Variants in KLHL29 observed in about 807,000 individuals in gnomAD.
KLHL29 encodes the protein kelch like family member 29, also known as kelch-like protein 29.
Under a neutral mutation model 80.4 loss-of-function variants are expected in KLHL29, and 21 were observed. That is an observed-to-expected ratio of 0.26 (90% CI 0.19 to 0.38). KLHL29 has a LOEUF of 0.38. Among genes scored for constraint, KLHL29 ranks in the 10% least tolerant of loss-of-function variants. The probability of loss-of-function intolerance (pLI) is 1.00; values close to 1 mark genes in which losing one functional copy is unlikely to be tolerated. For synonymous variants in KLHL29, 511 were observed against 526.8 expected, an observed-to-expected ratio of 0.97 and a Z score of 0.41; for missense variants, 867 against 1,223.9, an observed-to-expected ratio of 0.71 and a Z score of 4.35.
intron 2 of KLHL29, among the ~76,000 whole-genome samples, chr2:23,520,673 A>C (rs894139706): frequency 1.3e-5 from 2 of 152,220 alleles, no homozygotes; most frequent in Non-Finnish European, 2.9e-5. Context: ...ACGTACTCCC[A>C]ACACTTTAAG....
intron 2 of KLHL29, among the ~76,000 whole-genome samples, chr2:23,550,404 G>C (rs1667093493): frequency 6.6e-6 from 1 of 152,180 alleles, no homozygotes; most frequent in Non-Finnish European, 1.5e-5. Flanking sequence ...GACCAGAAAG[G>C]TGGGCACTGG....
intron 5 of KLHL29, among the ~76,000 whole-genome samples, chr2:23,652,600 C>G (rs1245505867): frequency 6.6e-6 from 1 of 152,176 alleles, no homozygotes; most frequent in African/African-American, 2.4e-5. Flanking sequence ...TCAAGTGCCT[C>G]TTAAAGGGAT....
intron 3 of KLHL29, among the ~76,000 whole-genome samples, chr2:23,587,177 T>A (rs1668142172): frequency 6.6e-6 from 1 of 152,138 alleles, no homozygotes; most frequent in Non-Finnish European, 1.5e-5. Flanking sequence ...CTGAAGACGC[T>A]CTTAACCAAG....
intron 3 of KLHL29, among the ~76,000 whole-genome samples, chr2:23,579,064 G>A (rs895765793): frequency 2.6e-5 from 4 of 152,192 alleles, no homozygotes; most frequent in Non-Finnish European, 5.9e-5. Context: ...CTGTTTGTTG[G>A]TGGTTGTGGT....
chr2:23,505,473 G>A (rs1468570478), intron 2 of KLHL29, among the ~76,000 whole-genome samples: 1 of 152,196 alleles, frequency 6.6e-6, no homozygotes, highest in Non-Finnish European at 1.5e-5. Flanking sequence ...TCTCCCCTCT[G>A]TTCCTGCCCA....
chr2:23,652,976 T>G (rs1670125819), intron 5 of KLHL29, among the ~76,000 whole-genome samples: 1 of 152,124 alleles, frequency 6.6e-6, no homozygotes, highest in Admixed American at 6.5e-5. Context: ...TTAAATTATT[T>G]CCTTTTGAAG....
chr2:23,614,511 AAAT>A (rs768476900), intron 3 of KLHL29, among the ~76,000 whole-genome samples: 16 of 152,214 alleles, frequency 1.1e-4, no homozygotes, highest in Non-Finnish European at 1.3e-4. Flanking sequence ...AAACAGACAA[AAAT>A]AATAATAATA....
At chr2:23,666,158 T>C (rs1166358565) in intron 5 of KLHL29, among the ~76,000 whole-genome samples, 1 of 152,122 alleles carries the variant, frequency 6.6e-6, no homozygotes, top group Non-Finnish European at 1.5e-5. Flanking sequence ...CAAACCAAAC[T>C]CCCTGCCCTC....
chr2:23,478,531 G>C (rs1664697238), intron 2 of KLHL29, among the ~76,000 whole-genome samples: 1 of 152,174 alleles, frequency 6.6e-6, no homozygotes, highest in South Asian at 2.1e-4. Context: ...AAATAAGTAA[G>C]AAGGCCATAC....
At chr2:23,448,532 G>A (rs1663776274) in intron 1 of KLHL29, among the ~76,000 whole-genome samples, 1 of 152,220 alleles carries the variant, frequency 6.6e-6, no homozygotes. Context: ...TAGAGGAGCA[G>A]GATGGAGGCT....
chr2:23,487,805 C>T (rs1431782747), intron 2 of KLHL29, among the ~76,000 whole-genome samples: 1 of 152,200 alleles, frequency 6.6e-6, no homozygotes, highest in Non-Finnish European at 1.5e-5. Context: ...CAGAACTGCC[C>T]TGAGTTGCAA....
At chr2:23,440,807 A>C (rs76882959) in intron 1 of KLHL29, among the ~76,000 whole-genome samples, 67,318 of 151,668 alleles carry the variant, frequency 0.44, 15,663 homozygotes, top group African/African-American at 0.6. Context: ...TGGAATGGCA[A>C]TCATTAAAAA....
intron 1 of KLHL29, among the ~76,000 whole-genome samples, chr2:23,459,323 C>T (rs914452387): frequency 6.6e-6 from 1 of 152,022 alleles, no homozygotes; most frequent in South Asian, 2.1e-4. Flanking sequence ...TGTACAGATC[C>T]GGAGCTCAGA....
intron 2 of KLHL29, among the ~76,000 whole-genome samples, chr2:23,509,699 T>C (rs1192605067): frequency 6.6e-6 from 1 of 152,178 alleles, no homozygotes; most frequent in Non-Finnish European, 1.5e-5. Flanking sequence ...AAGAATCTTA[T>C]AGTATTAAAA....
intron 2 of KLHL29, among the ~76,000 whole-genome samples, chr2:23,478,651 T>A (rs1290523390): frequency 6.6e-6 from 1 of 152,058 alleles, no homozygotes; most frequent in East Asian, 1.9e-4. Context: ...GAGCCAAGAA[T>A]GGCATTAGCA....
intron 2 of KLHL29, among the ~76,000 whole-genome samples, chr2:23,513,583 A>G (rs943188848): frequency 2.6e-5 from 4 of 152,206 alleles, no homozygotes; most frequent in African/African-American, 9.7e-5. Context: ...CCAGGACCTG[A>G]GTACTAACTA....
intron 3 of KLHL29, among the ~76,000 whole-genome samples, chr2:23,568,330 G>T (rs1452641604): frequency 6.6e-6 from 1 of 152,192 alleles, no homozygotes; most frequent in Non-Finnish European, 1.5e-5. Context: ...AGCCATAACG[G>T]TTCTGTGGTT....
At position 23,521,725 on chromosome 2, in the gene KLHL29, C is replaced by T. The variant is rs117397465; in HGVS notation, c.-45-40427C>T. 3.3e-4 allele frequency among the ~76,000 whole-genome samples: 50 copies of T among 152,326 alleles called. No homozygotes were observed. The East Asian group carries it at 8.5e-3, about 26-fold the overall frequency. Reference sequence around the variant, plus strand: ...AGGAAACAGAGGCTCAGTTTCAGCACGTTGTTCAATAGACTGCAGCCAGAT... The same window carrying T: ...AGGAAACAGAGGCTCAGTTTCAGCATGTTGTTCAATAGACTGCAGCCAGAT... On this transcript the variant is annotated intron_variant, in intron 2 of 13. Coordinates refer to ENST00000486442, the MANE Select transcript of KLHL29 (RefSeq NM_052920.2).
intron 13 of KLHL29, among the ~76,000 whole-genome samples, chr2:23,704,153 G>T (rs1292290321): frequency 6.6e-6 from 1 of 152,222 alleles, no homozygotes; most frequent in Non-Finnish European, 1.5e-5. Flanking sequence ...GAGAGGTGAG[G>T]TCAGCTTCCC....
Sources: gnomAD v4.1 joint callset for allele counts (sites outside exome capture counted in the v4.1 genomes callset) on GRCh38, gnomAD v4.1.1 for gene constraint, MANE v1.5 for transcripts, NCBI Gene and HGNC (gene_info 2026-07-23, HGNC 2026-07-21) for gene names.